Variants in CASTOR2 observed in about 807,000 individuals in gnomAD.
CASTOR2 encodes GATS protein like 2.
In CASTOR2, 8 loss-of-function variants were observed where a neutral mutation model predicts 31.2. The observed-to-expected ratio is 0.26, with a 90% CI of 0.15 to 0.46. CASTOR2 has a LOEUF of 0.46. Among genes scored for constraint, CASTOR2 ranks in the 20% least tolerant of loss-of-function variants. CASTOR2 has a pLI of 0.99. For missense variants in CASTOR2, 216 were observed against 382.1 expected (o/e 0.57, Z 3.62); for synonymous variants, 162 against 158.7 (o/e 1.02, Z -0.16).
chr7:74,973,291 A>G (rs868970068), intron 1 of CASTOR2, among the ~76,000 whole-genome samples: 2 of 149,494 alleles, frequency 1.3e-5, no homozygotes, highest in South Asian at 2.1e-4. Context: ...AACCACGTCA[A>G]GCACTCTCAA....
Position 75,026,484 on chromosome 7 carries a change from C to T in CASTOR2, c.*1785C>T, listed in dbSNP as rs1334208977. Among the ~76,000 whole-genome samples, 1 of 152,106 alleles carries T rather than the reference C, an allele frequency of 6.6e-6. No individual in the cohort carries two copies. Among genetic ancestry groups the T allele is most frequent in the African/African-American group, 2.4e-5 (1 of 41,400 alleles). ...GGATTACAGGCGTGAGCCACCACAC[C>T]CAGCCGAGTTGTGCTGTTTCTGTGG... On this transcript the variant is annotated 3_prime_UTR_variant, in exon 9 of 9. Transcript: ENST00000616305.
intron 1 of CASTOR2, among the ~76,000 whole-genome samples, chr7:74,993,153 C>T (rs1294352243): frequency 3.9e-5 from 6 of 152,032 alleles, no homozygotes; most frequent in Non-Finnish European, 5.9e-5. Context: ...GAGCAGAGAT[C>T]GCGTGACTGC....
intron 1 of CASTOR2, among the ~76,000 whole-genome samples, chr7:74,986,422 G>C (rs1308804102): frequency 6.6e-6 from 1 of 151,494 alleles, no homozygotes; most frequent in Non-Finnish European, 1.5e-5. Context: ...GCCGGGAGGT[G>C]GAGGTTATGG....
chr7:74,994,340 C>T (rs35561052), intron 1 of CASTOR2, among the ~76,000 whole-genome samples: 105,692 of 152,126 alleles, frequency 0.69, 37,528 homozygotes, highest in East Asian at 0.97. Context: ...TCTGGCAGGG[C>T]GAGGGGACCA....
chr7:75,009,497 T>C (rs1243617949), intron 2 of CASTOR2, among the ~76,000 whole-genome samples: 24 of 151,988 alleles, frequency 1.6e-4, no homozygotes, highest in African/African-American at 5.1e-4. Flanking sequence ...CTCGATCTCC[T>C]GACCTCGTGA....
At chr7:75,007,321 G>A (rs1804628881) in intron 1 of CASTOR2, among the ~76,000 whole-genome samples, 1 of 152,212 alleles carries the variant, frequency 6.6e-6, no homozygotes, top group Admixed American at 6.6e-5. Context: ...GCAGGGTCAG[G>A]GTTCTGGTCC....
chr7:74,992,245 C>T (rs1307934839), intron 1 of CASTOR2, among the ~76,000 whole-genome samples: 1 of 152,070 alleles, frequency 6.6e-6, no homozygotes, highest in Admixed American at 6.6e-5. Flanking sequence ...TTCTCTGATC[C>T]TGGGTTTTTG....
Position 75,025,297 on chromosome 7 carries a change from C to A in CASTOR2, c.*598C>A, listed in dbSNP as rs1238978739. Among the ~76,000 whole-genome samples the A allele has an allele frequency of 6.6e-6, 1 of 152,202 alleles. No individual in the cohort carries two copies. Among genetic ancestry groups the A allele is most frequent in the Admixed American group, 6.5e-5 (1 of 15,276 alleles). On this transcript the variant is annotated 3_prime_UTR_variant, in exon 9 of 9. Coordinates refer to ENST00000616305, the MANE Select transcript of CASTOR2 (RefSeq NM_001145064.3). Reference sequence around the variant, plus strand: ...ATCCCCGAGCTGGGAAGGACCCAGACTCCCCCTGTACCTCGCCTGCCAACC... The same window carrying A: ...ATCCCCGAGCTGGGAAGGACCCAGAATCCCCCTGTACCTCGCCTGCCAACC...
At chr7:75,022,959 T>C (rs1041467801) in intron 7 of CASTOR2, among the ~76,000 whole-genome samples, 1 of 152,172 alleles carries the variant, frequency 6.6e-6, no homozygotes, top group African/African-American at 2.4e-5. Flanking sequence ...TTGTCACATA[T>C]CTCCCAGAGA....
rs1236106590 is a variant in CASTOR2, at chr7:75,007,453, G to A, written c.114-541G>A. On this transcript the variant is annotated intron_variant, in intron 1 of 8. Coordinates refer to ENST00000616305, the MANE Select transcript of CASTOR2 (RefSeq NM_001145064.3). ...GAGATCCATGTCCCAAAAATGTCAC[G>A]GATGGCTGCATTCCTCTCTCTTTAG... Among the ~76,000 whole-genome samples the A allele has an allele frequency of 8.5e-5, 13 of 152,256 alleles. No individual in the cohort carries two copies. The East Asian group carries it at 1.2e-3, about 14-fold the overall frequency.
At chr7:75,022,105 G>A in intron 7 of CASTOR2, 149 bp downstream of exon 7, 1 of 917,758 alleles carries the variant, frequency 1.1e-6, no homozygotes, top group South Asian at 1.4e-5. Flanking sequence ...GTTGCTCACT[G>A]GTGTGTGGCA....
intron 8 of CASTOR2, 46 bp downstream of exon 8, chr7:75,024,580 G>A (rs1171966382): frequency 6.4e-7 from 1 of 1,550,864 alleles, no homozygotes; most frequent in African/African-American, 1.4e-5. Context: ...CCGGGGTGGG[G>A]AAGCAGGTTC....
Position 75,026,194 on chromosome 7 carries a change from T to G in CASTOR2, c.*1495T>G, listed in dbSNP as rs1201108080. Among the ~76,000 whole-genome samples the G allele has an allele frequency of 6.9e-6, 1 of 145,684 alleles. No homozygotes were observed. Among genetic ancestry groups the G allele is most frequent in the African/African-American group, 2.5e-5 (1 of 39,550 alleles). ...TGGTTTTGGCTCTGGCGGGGGTTTT[T>G]TTTTTTTTTTTTGAGATGGGAGTCT... On this transcript the variant is annotated 3_prime_UTR_variant, in exon 9 of 9. Coordinates refer to ENST00000616305, the MANE Select transcript of CASTOR2 (RefSeq NM_001145064.3).
chr7:75,028,685 C>T lies in CASTOR2; in HGVS notation c.*3986C>T, dbSNP rs999031139. 3.1e-4 allele frequency among the ~76,000 whole-genome samples: 47 copies of T among 152,286 alleles called. No homozygotes were observed. Among genetic ancestry groups the T allele is most frequent in the African/African-American group, 8.4e-4 (35 of 41,568 alleles). ...CAAGACACCCCTTCCTCCCTCAGCC[C>T]GTCGTCCTAACCCAGCAAAGATCTG... On this transcript the variant is annotated 3_prime_UTR_variant, in exon 9 of 9. Coordinates refer to ENST00000616305, the MANE Select transcript of CASTOR2 (RefSeq NM_001145064.3).
intron 2 of CASTOR2, among the ~76,000 whole-genome samples, chr7:75,014,784 C>G (rs1267231347): frequency 6.6e-6 from 1 of 152,176 alleles, no homozygotes; most frequent in African/African-American, 2.4e-5. Flanking sequence ...GGGCTTCTCC[C>G]CAAGACCACT....
intron 2 of CASTOR2, among the ~76,000 whole-genome samples, chr7:75,014,775 G>T (rs1804830214): frequency 6.6e-6 from 1 of 152,070 alleles, no homozygotes; most frequent in East Asian, 1.9e-4. Flanking sequence ...CTCAGGCCTG[G>T]GCTTCTCCCC....
At position 75,030,292 on chromosome 7, in the gene CASTOR2, C is replaced by G. The variant is rs1252675574; in HGVS notation, c.*5593C>G. 6.6e-6 allele frequency among the ~76,000 whole-genome samples: 1 copy of G among 152,200 alleles called. No individual in the cohort carries two copies. Among genetic ancestry groups the G allele is most frequent in the African/African-American group, 2.4e-5 (1 of 41,442 alleles). ...GCGTGCACGTGTGCAGAGCCCACAC[C>G]TGAGATATGGGACTGGCTCTTGGAG... is the stretch of plus-strand genomic sequence containing the variant. On this transcript the variant is annotated 3_prime_UTR_variant, in exon 9 of 9. Coordinates refer to ENST00000616305, the MANE Select transcript of CASTOR2 (RefSeq NM_001145064.3).
chr7:75,003,254 C>T (rs1166676472), intron 1 of CASTOR2, among the ~76,000 whole-genome samples: 44 of 151,928 alleles, frequency 2.9e-4, no homozygotes, highest in Non-Finnish European at 5.6e-4. Context: ...CAAGACCAGT[C>T]GGGGCAACAT....
chr7:75,003,189 A>G (rs1460117331), intron 1 of CASTOR2, among the ~76,000 whole-genome samples: 1 of 152,200 alleles, frequency 6.6e-6, no homozygotes, highest in Non-Finnish European at 1.5e-5. Context: ...ACTCACTCCT[A>G]TAATCCGAGC....
Sources: gnomAD v4.1 joint callset for allele counts (sites outside exome capture counted in the v4.1 genomes callset) on GRCh38, gnomAD v4.1.1 for gene constraint, MANE v1.5 for transcripts, NCBI Gene and HGNC (gene_info 2026-07-23, HGNC 2026-07-21) for gene names.